The following RALYL variants were observed in gnomAD, a reference collection of about 807,000 sequenced individuals.
RALYL encodes RALY RNA binding protein like, also known as RNA-binding Raly-like protein.
In RALYL, 29 loss-of-function variants were observed where a neutral mutation model predicts 35.1. The observed-to-expected ratio is 0.83, with a 90% CI of 0.61 to 1.13. The LOEUF (loss-of-function observed/expected upper bound fraction) is 1.13. Among genes scored for constraint, RALYL ranks in the 50% most tolerant of loss-of-function variants. RALYL has a pLI of 0.00. For synonymous variants in RALYL, 120 were observed against 127.6 expected, an observed-to-expected ratio of 0.94 and a Z score of 0.40; for missense variants, 359 against 360.4, an observed-to-expected ratio of 1.00 and a Z score of 0.03.
intron 1 of RALYL, among the ~76,000 whole-genome samples, chr8:84,315,476 T>G (rs1275580158): frequency 6.6e-6 from 1 of 152,164 alleles, no homozygotes; most frequent in African/African-American, 2.4e-5. Context: ...GATAACAATT[T>G]GCAACTTTTA....
intron 3 of RALYL, among the ~76,000 whole-genome samples, chr8:84,788,186 A>C (rs2133816788): frequency 6.6e-6 from 1 of 152,224 alleles, no homozygotes; most frequent in South Asian, 2.1e-4. Context: ...ATCTTGAGTC[A>C]GTTTTTGTAT....
chr8:84,772,642 T>A (rs553962184), intron 2 of RALYL, among the ~76,000 whole-genome samples: 1 of 152,116 alleles, frequency 6.6e-6, no homozygotes, highest in Non-Finnish European at 1.5e-5. Flanking sequence ...GATTGTTGTA[T>A]AGAGATATAC....
intron 2 of RALYL, among the ~76,000 whole-genome samples, chr8:84,669,971 A>C (rs552531314): frequency 9.8e-4 from 149 of 152,216 alleles, no homozygotes; most frequent in Non-Finnish European, 1.9e-3. Flanking sequence ...CTTTATGTTC[A>C]TCTTTCTTAA....
At chr8:84,346,096 C>T in intron 1 of RALYL, 1 of 982,958 alleles carries the variant, frequency 1.0e-6, no homozygotes, top group East Asian at 1.1e-4. Context: ...TGAGCAATTG[C>T]TCTATTTTCT....
intron 1 of RALYL, among the ~76,000 whole-genome samples, chr8:84,308,832 CA>C (rs1291180960): frequency 9.2e-5 from 14 of 152,008 alleles, no homozygotes; most frequent in African/African-American, 3.4e-4. Context: ...TATCAAAGTC[CA>C]ATTTTGTTCT....
chr8:84,513,146 G>A (rs771477980), intron 1 of RALYL, among the ~76,000 whole-genome samples: 4 of 152,038 alleles, frequency 2.6e-5, no homozygotes, highest in Non-Finnish European at 4.4e-5. Flanking sequence ...TTCATTCAAT[G>A]AGCATGAAAT....
At chr8:84,259,665 G>T (rs902973695) in intron 1 of RALYL, among the ~76,000 whole-genome samples, 3 of 152,094 alleles carry the variant, frequency 2.0e-5, no homozygotes, top group African/African-American at 7.2e-5. Flanking sequence ...GATTATGCTT[G>T]TATACAGCCT....
intron 1 of RALYL, among the ~76,000 whole-genome samples, chr8:84,258,068 A>G (rs1831521996): frequency 6.6e-6 from 1 of 152,136 alleles, no homozygotes; most frequent in Non-Finnish European, 1.5e-5. Flanking sequence ...CAGTTCTTGA[A>G]CTTGGAAACA....
chr8:84,630,517 T>A (rs1823685089), intron 2 of RALYL, among the ~76,000 whole-genome samples: 1 of 152,036 alleles, frequency 6.6e-6, no homozygotes, highest in Non-Finnish European at 1.5e-5. Context: ...GTGGGAAGGA[T>A]GATGCAGTTT....
intron 2 of RALYL, among the ~76,000 whole-genome samples, chr8:84,762,030 C>T (rs558887353): frequency 5.9e-5 from 9 of 151,646 alleles, no homozygotes; most frequent in East Asian, 5.8e-4. Context: ...CCAGGGGAGA[C>T]GAAACTGCTA....
chr8:84,479,671 C>T (rs2053847759), intron 1 of RALYL, among the ~76,000 whole-genome samples: 1 of 152,154 alleles, frequency 6.6e-6, no homozygotes, highest in African/African-American at 2.4e-5. Context: ...AGTGAGAACA[C>T]ATACTCTTTT....
At chr8:84,244,281 A>G (rs1828621865) in intron 1 of RALYL, among the ~76,000 whole-genome samples, 1 of 152,216 alleles carries the variant, frequency 6.6e-6, no homozygotes, top group Non-Finnish European at 1.5e-5. Flanking sequence ...ATAAGAATAC[A>G]GAATTCTTAA....
At chr8:84,592,758 A>G (rs983788004) in intron 2 of RALYL, among the ~76,000 whole-genome samples, 9 of 152,168 alleles carry the variant, frequency 5.9e-5, no homozygotes, top group Admixed American at 2.6e-4. Context: ...ATAAAAATGA[A>G]AAGTTTCAGA....
chr8:84,857,036 GAAAAAA>G lies in RALYL; in HGVS notation c.414-5242_414-5237del, dbSNP rs36119108. 1.4e-4 allele frequency among the ~76,000 whole-genome samples: 13 copies of G among 91,828 alleles called. No homozygotes were observed. In the East Asian group the frequency reaches 3.0e-3, roughly 21 times the overall value. 60.2% of individuals were successfully genotyped at this position (91,828 alleles called of 152,430 possible). On this transcript the variant is annotated intron_variant, in intron 5 of 8. Coordinates refer to ENST00000521268, the MANE Select transcript of RALYL (RefSeq NM_173848.7). ...GGCGACAGAGCGAGACTCCGTCTCAGAAAAAAAAAAAAAAAAAAAAAAAGAATTATT... is the reference window on the plus strand; with the variant it reads ...GGCGACAGAGCGAGACTCCGTCTCAGAAAAAAAAAAAAAAAAAGAATTATT...
At chr8:84,869,979 A>C (rs977591649) in intron 6 of RALYL, among the ~76,000 whole-genome samples, 1 of 150,594 alleles carries the variant, frequency 6.6e-6, no homozygotes, top group African/African-American at 2.5e-5. Flanking sequence ...CTCTATAGAG[A>C]GAGCAGATCT....
intron 1 of RALYL, among the ~76,000 whole-genome samples, chr8:84,397,463 G>A (rs1400850720): frequency 2.6e-5 from 4 of 152,114 alleles, no homozygotes; most frequent in South Asian, 4.1e-4. Flanking sequence ...CTGCAGAGAT[G>A]ATTAGCTATT....
chr8:84,708,763 A>G (rs934113524), intron 2 of RALYL, among the ~76,000 whole-genome samples: 4 of 152,170 alleles, frequency 2.6e-5, no homozygotes, highest in Non-Finnish European at 5.9e-5. Flanking sequence ...CCCTTGCTGA[A>G]ACTCCACATG....
At chr8:84,497,505 T>C (rs540994188) in intron 1 of RALYL, among the ~76,000 whole-genome samples, 2 of 152,300 alleles carry the variant, frequency 1.3e-5, no homozygotes, top group South Asian at 4.1e-4. Context: ...CTTTTCATAA[T>C]ATGCCAAATT....
At chr8:84,331,355 T>G (rs569486584) in intron 1 of RALYL, among the ~76,000 whole-genome samples, 1 of 152,284 alleles carries the variant, frequency 6.6e-6, no homozygotes, top group East Asian at 1.9e-4. Flanking sequence ...CATCTTATGT[T>G]GTACAATTAT....
Sources: allele counts gnomAD v4.1 joint callset (sites outside exome capture counted in the v4.1 genomes callset), GRCh38; gene constraint gnomAD v4.1.1; transcripts MANE v1.5; gene names NCBI Gene and HGNC (gene_info 2026-07-23, HGNC 2026-07-21).